The following SYBU variants were observed in gnomAD, a reference collection of about 807,000 sequenced individuals.
The protein encoded by SYBU is syntabulin, also known as GOLSYN A protein.
A neutral mutation model predicts 35.9 loss-of-function variants in SYBU; 21 were observed. That is an observed-to-expected ratio of 0.58 (90% confidence interval 0.41 to 0.84). The LOEUF (loss-of-function observed/expected upper bound fraction) is 0.84. Ranked by LOEUF, SYBU falls within the 40% of genes least tolerant of loss-of-function variation. The pLI is 0.00. For synonymous variants in SYBU, 319 were observed against 324.3 expected (o/e 0.98, Z 0.18); for missense variants, 768 against 848.2 (o/e 0.91, Z 1.17).
chr8:109,689,001 T>C (rs551845060), intron 1 of SYBU, among the ~76,000 whole-genome samples: 13 of 152,270 alleles, frequency 8.5e-5, no homozygotes, highest in African/African-American at 2.9e-4. Context: ...ATGCAGGTGT[T>C]AGTTTGTACC....
upstream of SYBU, among the ~76,000 whole-genome samples, chr8:109,683,356 C>T (rs1206185299): frequency 6.6e-6 from 1 of 152,170 alleles, no homozygotes; most frequent in Admixed American, 6.5e-5. Context: ...GACATGAAGT[C>T]AAAAGAGAGC....
At chr8:109,589,819 C>T (rs1824016079) in intron 3 of SYBU, among the ~76,000 whole-genome samples, 2 of 152,148 alleles carry the variant, frequency 1.3e-5, no homozygotes, top group East Asian at 3.8e-4. Context: ...TGCCTGTTTT[C>T]AAGATATGGA....
chr8:109,681,548 A>G (rs989892841), upstream of SYBU, among the ~76,000 whole-genome samples: 1 of 152,200 alleles, frequency 6.6e-6, no homozygotes, highest in African/African-American at 2.4e-5. Context: ...GTTATGTGCT[A>G]TCTCATCCCT....
intron 1 of SYBU, among the ~76,000 whole-genome samples, chr8:109,673,391 A>G (rs1295600267): frequency 2.0e-5 from 3 of 152,198 alleles, no homozygotes; most frequent in East Asian, 1.9e-4. Context: ...CCAGGCAAAC[A>G]GAGTCTGGAG....
upstream of SYBU, chr8:109,645,084 C>T (rs1334384258): frequency 2.1e-6 from 1 of 484,570 alleles, no homozygotes; most frequent in South Asian, 1.5e-5. Context: ...CCAGGGGTGA[C>T]CCCACCCTCT....
intron 2 of SYBU, among the ~76,000 whole-genome samples, chr8:109,628,540 A>G (rs1813227303): frequency 6.6e-6 from 1 of 151,896 alleles, no homozygotes; most frequent in Admixed American, 6.6e-5. Flanking sequence ...ATAGGATCTC[A>G]CTATGTTGCC....
At chr8:109,684,317 T>C (rs1362409153), upstream of SYBU, among the ~76,000 whole-genome samples, 1 of 152,250 alleles carries the variant, frequency 6.6e-6, no homozygotes, top group East Asian at 1.9e-4. Flanking sequence ...TTGTACTTCT[T>C]TATGAAAAGT....
upstream of SYBU, among the ~76,000 whole-genome samples, chr8:109,648,268 T>TATATATAATAC (rs1230242002): frequency 2.3e-4 from 34 of 145,736 alleles, no homozygotes; most frequent in African/African-American, 8.6e-4. Flanking sequence ...CAATAATATA[T>TATATATAATAC]ATATATAATA....
chr8:109,661,647 G>T (rs1038529580), intron 1 of SYBU, among the ~76,000 whole-genome samples: 21 of 152,298 alleles, frequency 1.4e-4, no homozygotes, highest in Non-Finnish European at 2.5e-4. Context: ...AAATTATGGA[G>T]CTGCCTCTTT....
chr8:109,600,005 G>A (rs1269266522), intron 3 of SYBU, among the ~76,000 whole-genome samples: 2 of 152,124 alleles, frequency 1.3e-5, no homozygotes, highest in Non-Finnish European at 2.9e-5. Context: ...GTTTAGCCTT[G>A]AGCTTTACTT....
intron 5 of SYBU, among the ~76,000 whole-genome samples, chr8:109,579,357 G>A (rs1258777789): frequency 6.6e-6 from 1 of 152,172 alleles, no homozygotes; most frequent in Non-Finnish European, 1.5e-5. Flanking sequence ...AGACTGCGTT[G>A]GACACCCTCC....
At position 109,688,662 on chromosome 8, in the gene SYBU, G is replaced by A. The variant is rs372282806; in HGVS notation, c.-58+2671C>T. ...GTTCTTTTTTTTTCTATCCTATCCC[G>A]TCTATCATGTCTGCTTGGTGATATC... On this transcript the variant is annotated intron_variant, in intron 1 of 7. Coordinates refer to the SYBU transcript ENST00000422135. 1.5e-4 allele frequency among the ~76,000 whole-genome samples: 23 copies of A among 149,164 alleles called. No homozygotes were observed. In the East Asian group the frequency reaches 1.6e-3, roughly 10 times the overall value.
chr8:109,628,344 T>C (rs934032395), intron 2 of SYBU, among the ~76,000 whole-genome samples: 4 of 146,374 alleles, frequency 2.7e-5, no homozygotes, highest in African/African-American at 7.4e-5. Flanking sequence ...CCACATCTCT[T>C]TTTTTTTTTT....
At chr8:109,668,594 T>A (rs192792180) in intron 1 of SYBU, among the ~76,000 whole-genome samples, 43 of 152,304 alleles carry the variant, frequency 2.8e-4, no homozygotes, top group Admixed American at 2.6e-3. Context: ...TGAGGGGATG[T>A]CACCACACAA....
chr8:109,656,823 G>T (rs967248864), intron 1 of SYBU, among the ~76,000 whole-genome samples: 7 of 152,096 alleles, frequency 4.6e-5, no homozygotes, highest in African/African-American at 1.7e-4. Context: ...TATGGCCATG[G>T]AGAATAAAGG....
In SYBU at chr8:109,635,919, C is replaced by A. The variant is rs528690240; in HGVS notation, c.229+6809G>T. Among the ~76,000 whole-genome samples the A allele has an allele frequency of 7.4e-4, 112 of 152,326 alleles. No individual in the cohort carries two copies. The South Asian group carries it at 0.021, about 29-fold the overall frequency. ...AATGGTAGCCCATGATCCATATTCACCTATGTACACATGCTATTTGTCCCA... is the reference window on the plus strand; with the variant it reads ...AATGGTAGCCCATGATCCATATTCAACTATGTACACATGCTATTTGTCCCA... On this transcript the variant is annotated intron_variant, in intron 2 of 6. Coordinates refer to ENST00000276646, the MANE Select transcript of SYBU (RefSeq NM_001099754.2).
At chr8:109,634,810 A>G (rs1304195415) in intron 2 of SYBU, among the ~76,000 whole-genome samples, 1 of 152,158 alleles carries the variant, frequency 6.6e-6, no homozygotes, top group African/African-American at 2.4e-5. Context: ...CTGATCTATA[A>G]ATATACTTAT....
intron 3 of SYBU, among the ~76,000 whole-genome samples, chr8:109,609,248 A>C (rs990246870): frequency 2.6e-5 from 4 of 152,224 alleles, no homozygotes; most frequent in Non-Finnish European, 5.9e-5. Context: ...TGCCATTTGC[A>C]AAAGACATAT....
upstream of SYBU, among the ~76,000 whole-genome samples, chr8:109,685,639 T>C (rs1240193221): frequency 6.6e-6 from 1 of 152,234 alleles, no homozygotes; most frequent in Non-Finnish European, 1.5e-5. Context: ...GCAAGGGCCA[T>C]ATATAAAAAT....
Sources: gnomAD v4.1 joint callset for allele counts (sites outside exome capture counted in the v4.1 genomes callset) on GRCh38, gnomAD v4.1.1 for gene constraint, MANE v1.5 for transcripts, NCBI Gene and HGNC (gene_info 2026-07-23, HGNC 2026-07-21) for gene names.